The following DCC variants were observed in gnomAD, a reference collection of about 807,000 sequenced individuals.
DCC encodes the protein netrin receptor DCC.
A neutral mutation model predicts 172.5 loss-of-function variants in DCC; 58 were observed. The ratio of observed to expected loss-of-function variants is 0.34; its 90% confidence interval spans 0.27 to 0.42. The LOEUF is 0.42. Ranked by LOEUF, DCC falls within the 10% of genes least tolerant of loss-of-function variation. DCC has a pLI of 1.00. For synonymous variants in DCC, 709 were observed against 644.5 expected (o/e 1.10, Z -1.52); for missense variants, 1,740 against 1,791.0 (o/e 0.97, Z 0.51).
chr18:53,105,622 A>C (rs533910596), intron 7 of DCC, among the ~76,000 whole-genome samples: 36 of 152,078 alleles, frequency 2.4e-4, no homozygotes, highest in African/African-American at 7.0e-4. Flanking sequence ...GATTTTATTC[A>C]TACACTGGCT....
chr18:53,131,606 A>G (rs937657642), intron 7 of DCC, among the ~76,000 whole-genome samples: 3 of 152,152 alleles, frequency 2.0e-5, no homozygotes, highest in Non-Finnish European at 4.4e-5. Flanking sequence ...ATATCAGTAA[A>G]CATATATAAT....
rs1167472235 is a variant in DCC, at chr18:52,670,578, G to A, written c.92-81476G>A. On this transcript the variant is annotated intron_variant, in intron 1 of 28. Coordinates refer to ENST00000442544, the MANE Select transcript of DCC (RefSeq NM_005215.4). ...AAGCTGGCCAGGCGTGGTGGCTCACGCCTGTAATCCCAGCACTTTGGGAGG... is the reference window on the plus strand; with the variant it reads ...AAGCTGGCCAGGCGTGGTGGCTCACACCTGTAATCCCAGCACTTTGGGAGG... 3.3e-5 allele frequency among the ~76,000 whole-genome samples: 5 copies of A among 152,104 alleles called. No homozygotes were observed. The South Asian group carries it at 6.2e-4, about 19-fold the overall frequency.
At chr18:52,795,434 T>C (rs2037856369) in intron 2 of DCC, among the ~76,000 whole-genome samples, 1 of 152,032 alleles carries the variant, frequency 6.6e-6, no homozygotes, top group Non-Finnish European at 1.5e-5. Flanking sequence ...TAATGATCCT[T>C]TCTATTTCTG....
intron 27 of DCC, among the ~76,000 whole-genome samples, chr18:53,505,683 T>TAATA (rs992406246): frequency 6.6e-6 from 1 of 152,060 alleles, no homozygotes; most frequent in East Asian, 1.9e-4. Flanking sequence ...AAGTGAAAAA[T>TAATA]AATAAATAAT....
chr18:52,443,463 C>T (rs1464587910), intron 1 of DCC, among the ~76,000 whole-genome samples: 1 of 151,994 alleles, frequency 6.6e-6, no homozygotes. Flanking sequence ...GTGGGACTAC[C>T]AACAACAGTA....
intron 1 of DCC, among the ~76,000 whole-genome samples, chr18:52,380,173 C>A (rs1436852339): frequency 6.6e-6 from 1 of 151,974 alleles, no homozygotes; most frequent in African/African-American, 2.4e-5. Flanking sequence ...CCCTCATGAC[C>A]TAGTCACTTC....
intron 20 of DCC, among the ~76,000 whole-genome samples, chr18:53,412,051 T>C (rs1318678562): frequency 6.6e-6 from 1 of 152,128 alleles, no homozygotes; most frequent in Non-Finnish European, 1.5e-5. Flanking sequence ...GAGTGATGAG[T>C]TATCATAAGA....
At chr18:52,451,503 G>A (rs1320423811) in intron 1 of DCC, among the ~76,000 whole-genome samples, 2 of 152,194 alleles carry the variant, frequency 1.3e-5, no homozygotes, top group African/African-American at 4.8e-5. Context: ...CACAGCAGTT[G>A]TCAGTAATGA....
At chr18:52,756,555 T>C (rs1456964645) in intron 2 of DCC, among the ~76,000 whole-genome samples, 2 of 152,240 alleles carry the variant, frequency 1.3e-5, no homozygotes, top group African/African-American at 2.4e-5. Context: ...GCCTACAAAT[T>C]AATTAACTAT....
rs764246355 is a variant in DCC at position 53,486,837 on chromosome 18, C to T, written c.3777C>T (p.Ala1259=). 1.9e-6 allele frequency: 3 copies of T among 1,614,030 alleles called. No homozygotes were observed. Among genetic ancestry groups the T allele is most frequent in the Non-Finnish European group, 2.5e-6 (3 of 1,180,032 alleles). ...TCCCGGTGCCAACGCTAGAAAGTGC[C>T]CAGTACCCAGGAATCCTCCCGTCTC... ...SAIPVPTLES[A]QYPGILPSPT... The change falls in exon 26 of 29, where the codon GCC becomes GCT. Residue 1259 remains alanine (A), a synonymous_variant. Transcript: ENST00000442544.
At chr18:52,601,090 A>G (rs2034008140) in intron 1 of DCC, among the ~76,000 whole-genome samples, 1 of 152,132 alleles carries the variant, frequency 6.6e-6, no homozygotes, top group Non-Finnish European at 1.5e-5. Flanking sequence ...CAGAAATCTC[A>G]TTATCAAAGG....
chr18:52,822,711 A>C (rs1048102846), intron 2 of DCC, among the ~76,000 whole-genome samples: 2 of 152,166 alleles, frequency 1.3e-5, no homozygotes, highest in Admixed American at 1.3e-4. Context: ...GCAGATGAAA[A>C]TCCTGGTTTT....
chr18:53,427,357 A>C (rs1330682346), intron 21 of DCC, among the ~76,000 whole-genome samples: 1 of 152,132 alleles, frequency 6.6e-6, no homozygotes, highest in Non-Finnish European at 1.5e-5. Context: ...GACTTCAGAG[A>C]CCACCATCTA....
chr18:52,363,254 C>A (rs1001542199), intron 1 of DCC, among the ~76,000 whole-genome samples: 4 of 152,218 alleles, frequency 2.6e-5, no homozygotes, highest in African/African-American at 9.6e-5. Flanking sequence ...AGTCTGTATT[C>A]AGACCAGGTT....
chr18:53,382,718 A>G (rs969457122), intron 15 of DCC, among the ~76,000 whole-genome samples: 1 of 152,180 alleles, frequency 6.6e-6, no homozygotes. Context: ...ATAGCTTGAC[A>G]ACATACATTT....
intron 1 of DCC, among the ~76,000 whole-genome samples, chr18:52,607,770 C>T (rs1392244563): frequency 1.3e-5 from 2 of 152,022 alleles, no homozygotes; most frequent in Non-Finnish European, 1.5e-5. Context: ...AATTTGATAT[C>T]AATGCAATGT....
intron 5 of DCC, among the ~76,000 whole-genome samples, chr18:52,990,984 C>A (rs544846597): frequency 1.6e-4 from 25 of 152,242 alleles, no homozygotes; most frequent in African/African-American, 5.3e-4. Context: ...GGGCATTGAG[C>A]CAAGACAGGT....
chr18:53,230,302 G>A (rs1488491567), intron 12 of DCC, among the ~76,000 whole-genome samples: 1 of 152,012 alleles, frequency 6.6e-6, no homozygotes, highest in African/African-American at 2.4e-5. Flanking sequence ...TAGAAGAATT[G>A]CACAGTGCCT....
intron 13 of DCC, among the ~76,000 whole-genome samples, chr18:53,312,160 A>G (rs1169357545): frequency 2.2e-5 from 2 of 90,338 alleles, no homozygotes; most frequent in African/African-American, 9.4e-5. Context: ...ATACAAAAAA[A>G]AAAAAAAAAA....
Sources: gnomAD v4.1 joint callset for allele counts (sites outside exome capture counted in the v4.1 genomes callset) on GRCh38, gnomAD v4.1.1 for gene constraint, MANE v1.5 for transcripts, NCBI Gene and HGNC (gene_info 2026-07-23, HGNC 2026-07-21) for gene names.